The following LDB2 variants were observed in gnomAD, a reference collection of about 807,000 sequenced individuals.
The protein encoded by LDB2 is LIM domain binding 2, also known as LIM domain-binding protein 2.
LDB2 carries 12 observed loss-of-function variants against 44.3 expected under a neutral mutation model. The observed-to-expected ratio is 0.27, with a 90% CI of 0.17 to 0.44. LDB2 has a LOEUF of 0.44. Among genes scored for constraint, LDB2 ranks in the 20% least tolerant of loss-of-function variants. LDB2 has a pLI of 1.00. For missense variants in LDB2, 344 were observed against 473.5 expected (o/e 0.73, Z 2.54); for synonymous variants, 164 against 174.8 (o/e 0.94, Z 0.49).
At chr4:16,640,594 A>T (rs1007200333) in intron 2 of LDB2, among the ~76,000 whole-genome samples, 13 of 152,232 alleles carry the variant, frequency 8.5e-5, no homozygotes, top group African/African-American at 2.9e-4. Context: ...ACACTATTAA[A>T]ACTACTTGTT....
chr4:16,588,609 A>G, intron 4 of LDB2, 101 bp downstream of exon 4: 1 of 1,229,354 alleles, frequency 8.1e-7, no homozygotes, highest in Non-Finnish European at 1.2e-6. Flanking sequence ...CGTGACAACT[A>G]CTGGAATTCT....
chr4:16,688,446 C>A (rs1749791665), intron 2 of LDB2, among the ~76,000 whole-genome samples: 1 of 152,168 alleles, frequency 6.6e-6, no homozygotes, highest in African/African-American at 2.4e-5. Context: ...ACTGTCCATG[C>A]ACTGGACACA....
intron 2 of LDB2, among the ~76,000 whole-genome samples, chr4:16,699,999 GC>G (rs1553968334): frequency 1.3e-5 from 2 of 152,112 alleles, no homozygotes; most frequent in Non-Finnish European, 2.9e-5. Context: ...AATGTTTGGG[GC>G]CAGATGTGTT....
chr4:16,589,290 C>T (rs1718079681), intron 3 of LDB2, among the ~76,000 whole-genome samples: 1 of 152,174 alleles, frequency 6.6e-6, no homozygotes, highest in Non-Finnish European at 1.5e-5. Context: ...CTTGATCTGA[C>T]TGGAGGAAGT....
At chr4:16,600,485 T>C (rs1218363318) in intron 2 of LDB2, among the ~76,000 whole-genome samples, 1 of 152,088 alleles carries the variant, frequency 6.6e-6, no homozygotes, top group Non-Finnish European at 1.5e-5. Flanking sequence ...GTGAGTAAAA[T>C]ATACCATACA....
intron 1 of LDB2, among the ~76,000 whole-genome samples, chr4:16,783,078 G>C (rs1773647812): frequency 6.6e-6 from 1 of 152,190 alleles, no homozygotes; most frequent in Admixed American, 6.5e-5. Flanking sequence ...AAGAATTTGA[G>C]GCGTACAGGC....
intron 2 of LDB2, among the ~76,000 whole-genome samples, chr4:16,683,886 A>G (rs889476189): frequency 6.6e-6 from 1 of 152,154 alleles, no homozygotes; most frequent in African/African-American, 2.4e-5. Context: ...AGAGCCTCTA[A>G]TCCTTCTAAT....
chr4:16,668,382 T>C (rs1242791151), intron 2 of LDB2, among the ~76,000 whole-genome samples: 1 of 152,134 alleles, frequency 6.6e-6, no homozygotes, highest in Admixed American at 6.5e-5. Flanking sequence ...TGGGGCGACA[T>C]AGCACAAGGT....
At chr4:16,876,661 A>AG (rs1331271880) in intron 1 of LDB2, among the ~76,000 whole-genome samples, 1 of 151,940 alleles carries the variant, frequency 6.6e-6, no homozygotes, top group East Asian at 1.9e-4. Flanking sequence ...AGGTTTGTGG[A>AG]GGGTTTTTTT....
chr4:16,548,075 C>T (rs572133951), intron 5 of LDB2, among the ~76,000 whole-genome samples: 47 of 151,934 alleles, frequency 3.1e-4, no homozygotes, highest in Non-Finnish European at 6.2e-4. Flanking sequence ...TCTCCTGCCT[C>T]GGCCTCCCAA....
At chr4:16,704,885 G>T (rs542592198) in intron 2 of LDB2, among the ~76,000 whole-genome samples, 1 of 152,234 alleles carries the variant, frequency 6.6e-6, no homozygotes, top group East Asian at 1.9e-4. Flanking sequence ...AGATGAATAA[G>T]GTAACATACC....
intron 2 of LDB2, among the ~76,000 whole-genome samples, chr4:16,604,220 C>A (rs1483398895): frequency 6.6e-6 from 1 of 152,050 alleles, no homozygotes. Flanking sequence ...TTCTTAAGAT[C>A]CTTGAATATT....
intron 2 of LDB2, among the ~76,000 whole-genome samples, chr4:16,659,652 T>C (rs75461512): frequency 4.7e-3 from 138 of 29,648 alleles, no homozygotes; most frequent in African/African-American, 0.01. Flanking sequence ...CACACACACA[T>C]ATGAGTATAT....
chr4:16,861,280 G>T (rs1002043344), intron 1 of LDB2, among the ~76,000 whole-genome samples: 1 of 152,072 alleles, frequency 6.6e-6, no homozygotes, highest in Non-Finnish European at 1.5e-5. Flanking sequence ...GCAGGTCAGG[G>T]TTTCCCCACC....
At chr4:16,685,207 TGAGCAGAGC>T (rs1325163993) in intron 2 of LDB2, among the ~76,000 whole-genome samples, 1 of 152,192 alleles carries the variant, frequency 6.6e-6, no homozygotes, top group East Asian at 1.9e-4. Flanking sequence ...CAGCTGCTAA[TGAGCAGAGC>T]TTGAGTCCCA....
chr4:16,575,593 A>C (rs1381668730), intron 5 of LDB2, among the ~76,000 whole-genome samples: 1 of 152,236 alleles, frequency 6.6e-6, no homozygotes, highest in Non-Finnish European at 1.5e-5. Context: ...AAATTGAAAT[A>C]ATATGAAGCA....
chr4:16,829,169 C>T (rs1166316389), intron 1 of LDB2, among the ~76,000 whole-genome samples: 1 of 152,144 alleles, frequency 6.6e-6, no homozygotes, highest in Non-Finnish European at 1.5e-5. Flanking sequence ...AAAAAGAACT[C>T]TAGGAACTGT....
intron 5 of LDB2, among the ~76,000 whole-genome samples, chr4:16,536,780 C>G (rs778239235): frequency 2.0e-5 from 3 of 152,144 alleles, no homozygotes; most frequent in Non-Finnish European, 4.4e-5. Context: ...GGAGGAAGGC[C>G]TAGAAGGATG....
rs1390910595 is a variant in LDB2 at position 16,551,959 on chromosome 4, C to T, written c.615+33963G>A. 2.6e-5 allele frequency among the ~76,000 whole-genome samples: 4 copies of T among 152,164 alleles called. No individual in the cohort carries two copies. The South Asian group carries it at 6.2e-4, about 24-fold the overall frequency. ...TCTTTTTACATAATTTTTTTTCCTTCCGACTTTGTAAGTCTTAGGTGTATA... is the reference window on the plus strand; with the variant it reads ...TCTTTTTACATAATTTTTTTTCCTTTCGACTTTGTAAGTCTTAGGTGTATA... On this transcript the variant is annotated intron_variant, in intron 5 of 7. Transcript: ENST00000304523.
Sources: gnomAD v4.1 joint callset for allele counts (sites outside exome capture counted in the v4.1 genomes callset) on GRCh38, gnomAD v4.1.1 for gene constraint, MANE v1.5 for transcripts, NCBI Gene and HGNC (gene_info 2026-07-23, HGNC 2026-07-21) for gene names.